GDF11: variants seen among roughly 807,000 people sequenced by gnomAD.
GDF11 encodes growth/differentiation factor 11.
Under a neutral mutation model 34.4 loss-of-function variants are expected in GDF11, and 12 were observed. The ratio of observed to expected loss-of-function variants is 0.35; its 90% CI spans 0.22 to 0.57. The LOEUF (loss-of-function observed/expected upper bound fraction) is 0.57. Among genes scored for constraint, GDF11 ranks in the 20% least tolerant of loss-of-function variants. The probability of loss-of-function intolerance (pLI) is 0.86; values close to 1 mark genes in which losing one functional copy is unlikely to be tolerated. For missense variants in GDF11, 346 were observed against 548.2 expected, an observed-to-expected ratio of 0.63 and a Z score of 3.68; for synonymous variants, 212 against 231.1, an observed-to-expected ratio of 0.92 and a Z score of 0.75.
intron 1 of GDF11, among the ~76,000 whole-genome samples, chr12:55,746,840 G>A (rs750854502): frequency 6.6e-6 from 1 of 152,218 alleles, no homozygotes; most frequent in Non-Finnish European, 1.5e-5. Flanking sequence ...AAGGAATCAG[G>A]CAGTGATTAA....
Position 55,743,377 on chromosome 12 carries a change from C to CG in GDF11, c.67dup (p.Glu23GlyfsTer122). On this transcript the variant is annotated frameshift_variant, in exon 1 of 3. Coordinates refer to ENST00000257868, the MANE Select transcript of GDF11 (RefSeq NM_005811.5). LOFTEE classifies it high-confidence loss of function. ...GCTCCTCGCCCTGGAGCTGCGGCCC[C>CG]GGGGGGAGGCGGCCGAGGGCCCCGC... The CG allele has an allele frequency of 1.0e-6, 1 of 987,292 alleles. No individual in the cohort carries two copies. Among genetic ancestry groups the CG allele is most frequent in the Non-Finnish European group, 1.2e-6 (1 of 833,296 alleles). 61.2% of individuals were successfully genotyped at this position (987,292 alleles called of 1,614,324 possible). A position where few individuals can be genotyped will look rare whatever the true frequency, so the allele number is the denominator to read the frequency against.
intron 1 of GDF11, 94 bp downstream of exon 1, chr12:55,743,855 G>A: frequency 1.9e-6 from 2 of 1,029,156 alleles, no homozygotes; most frequent in South Asian, 3.5e-5. Flanking sequence ...TGCTGCCCCG[G>A]CCCGGAAGCT....
intron 1 of GDF11, among the ~76,000 whole-genome samples, chr12:55,747,797 T>C (rs558009658): frequency 3.9e-5 from 6 of 152,248 alleles, no homozygotes; most frequent in Non-Finnish European, 8.8e-5. Context: ...AAAAAAGGCA[T>C]TGTAGTTAAT....
chr12:55,748,569 C>T lies in GDF11; in HGVS notation c.446-17C>T, dbSNP rs569084969. On this transcript the variant is annotated splice_polypyrimidine_tract_variant and intron_variant, in intron 1 of 2. Coordinates refer to ENST00000257868, the MANE Select transcript of GDF11 (RefSeq NM_005811.5). This position sits in a 1 kb window ranked among gnomAD's most constrained non-coding sequence, Gnocchi z 5.6. ...ACAAACACCCTTTGCTGATGCTGTG[C>T]CCTTCTCTCTTATCAGCGGACCCAG... 420 of 1,588,472 alleles carry T rather than the reference C, an allele frequency of 2.6e-4. No individual in the cohort carries two copies. Among genetic ancestry groups the T allele is most frequent in the Non-Finnish European group, 3.4e-4 (401 of 1,164,712 alleles).
At chr12:55,743,854 G>A in intron 1 of GDF11, 93 bp downstream of exon 1, 1 of 1,041,690 alleles carries the variant, frequency 9.6e-7, no homozygotes, top group Non-Finnish European at 1.3e-6. Context: ...CTGCTGCCCC[G>A]GCCCGGAAGC....
rs1878273546 is a variant in GDF11, at chr12:55,750,057, T to C, written c.*175T>C. On this transcript the variant is annotated 3_prime_UTR_variant, in exon 3 of 3. Coordinates refer to ENST00000257868, the MANE Select transcript of GDF11 (RefSeq NM_005811.5). ...GCAGGTGGGAATTGAGGGTGAGGGG[T>C]TTGGGGGAAAGGGGAAGCAGGGGCA... 2 of 622,806 alleles carry C rather than the reference T, an allele frequency of 3.2e-6. No homozygotes were observed. Among genetic ancestry groups the C allele is most frequent in the African/African-American group, 1.9e-5 (1 of 54,008 alleles). The allele number at this position is 622,806 out of a possible 1,614,324, so 38.6% of individuals were successfully genotyped here.
Position 55,749,903 on chromosome 12 carries a change from T to C in GDF11, c.*21T>C. The C allele has an allele frequency of 6.3e-7, 1 of 1,590,210 alleles. No homozygotes were observed. Among genetic ancestry groups the C allele is most frequent in the Admixed American group, 1.7e-5 (1 of 59,120 alleles). ...CTTAAGGTGGGGGATAGAGGATGCCTCCCCCACAGACCCTACCCCAAGACC... is the reference window on the plus strand; with the variant it reads ...CTTAAGGTGGGGGATAGAGGATGCCCCCCCCACAGACCCTACCCCAAGACC... On this transcript the variant is annotated 3_prime_UTR_variant, in exon 3 of 3. Transcript: ENST00000257868. This position sits in a 1 kb window ranked among gnomAD's most constrained non-coding sequence, Gnocchi z 5.6.
rs1403171850 is a variant in GDF11, at chr12:55,743,536, C to T, written c.220C>T (p.Leu74=). Residue 74 remains leucine (L), a synonymous_variant, in exon 1 of 3, where the codon CTG becomes TTG. Transcript: ENST00000257868. ...VCVWRQHSRE[L]RLESIKSQIL... ...CGTTTGGCGGCAGCACAGCCGCGAG[C>T]TGCGCCTAGAGAGCATCAAGTCGCA... is the stretch of plus-strand genomic sequence containing the variant. 2 of 1,600,992 alleles carry T rather than the reference C, an allele frequency of 1.2e-6. No individual in the cohort carries two copies. The highest frequency in any genetic ancestry group is 2.2e-5 in the South Asian group (2 of 90,758).
rs114696978 is a variant in GDF11, at chr12:55,754,011, G to C, written c.*4129G>C. On this transcript the variant is annotated 3_prime_UTR_variant, in exon 3 of 3. Coordinates refer to ENST00000257868, the MANE Select transcript of GDF11 (RefSeq NM_005811.5). ...AGGAAAGCTCCTGTGACATCAACCT[G>C]ATCCAGAATTGGGGACAGCGCTACT... is the stretch of plus-strand genomic sequence containing the variant. 4 of 152,318 alleles carry C rather than the reference G, an allele frequency of 2.6e-5. No individual in the cohort carries two copies. Among genetic ancestry groups the C allele is most frequent in the African/African-American group, 9.6e-5 (4 of 41,552 alleles). The allele number at this position is 152,318 out of a possible 1,614,324, so 9.4% of individuals were successfully genotyped here. A position where few individuals can be genotyped will look rare whatever the true frequency, so the allele number is the denominator to read the frequency against.
In GDF11 at chr12:55,743,631, C is replaced by A. The variant is rs1159179858; in HGVS notation, c.315C>A (p.Pro105=). The stretch of plus-strand genomic sequence containing the variant: ...GCGAGGTGGTGAAGCAGCTGCTGCC[C>A]AAGGCGCCGCCGCTGCAGCAGATCC... The part of the protein sequence containing the change: ...ISREVVKQLL[P]KAPPLQQILD... Residue 105 remains proline, a synonymous_variant, in exon 1 of 3, where the codon CCC becomes CCA. Coordinates refer to ENST00000257868, the MANE Select transcript of GDF11 (RefSeq NM_005811.5). The A allele has an allele frequency of 6.2e-7, 1 of 1,604,882 alleles. No homozygotes were observed. The highest frequency in any genetic ancestry group is 1.3e-5 in the African/African-American group (1 of 74,898).
chr12:55,746,074 G>T (rs1307870792), intron 1 of GDF11, among the ~76,000 whole-genome samples: 3 of 152,130 alleles, frequency 2.0e-5, no homozygotes, highest in Non-Finnish European at 2.9e-5. Context: ...TCTCCCACCA[G>T]CGCCGCCTAC....
At position 55,750,023 on chromosome 12, in the gene GDF11, C is replaced by A; in HGVS notation, c.*141C>A. 2 of 720,526 alleles carry A rather than the reference C, an allele frequency of 2.8e-6. No individual in the cohort carries two copies. The highest frequency in any genetic ancestry group is 4.5e-6 in the Non-Finnish European group (2 of 441,910). 44.6% of individuals were successfully genotyped at this position (720,526 alleles called of 1,614,324 possible). A position where few individuals can be genotyped will look rare whatever the true frequency, so the allele number is the denominator to read the frequency against. ...CCCGACCAAGCCGTGTGCAATACAA[C>A]AGAGGGAGGCAGGTGGGAATTGAGG... On this transcript the variant is annotated 3_prime_UTR_variant, in exon 3 of 3. Transcript: ENST00000257868.
Position 55,751,332 on chromosome 12 carries a change from G to A in GDF11, c.*1450G>A, listed in dbSNP as rs1444643961. ...GGAGACTCCCGGGCTTGGAAGGCTA[G>A]GAAGCAGGCAGAGACTGGTTGCCAT... On this transcript the variant is annotated 3_prime_UTR_variant, in exon 3 of 3. Transcript: ENST00000257868. 1 of 152,402 alleles carries A rather than the reference G, an allele frequency of 6.6e-6. No individual in the cohort carries two copies. The highest frequency in any genetic ancestry group is 1.9e-4 in the East Asian group (1 of 5,206). The allele number at this position is 152,402 out of a possible 1,614,324, so 9.4% of individuals were successfully genotyped here.
rs1878413979 is a variant in GDF11, at chr12:55,753,771, A to AG, written c.*3889_*3890insG. On this transcript the variant is annotated 3_prime_UTR_variant, in exon 3 of 3. Coordinates refer to ENST00000257868, the MANE Select transcript of GDF11 (RefSeq NM_005811.5). ...GTGACAGAGTGAGACTCCCATCTCCAAAAAAAAAAAAAAAAAAAAAAAAAG... is the reference window on the plus strand; with the variant it reads ...GTGACAGAGTGAGACTCCCATCTCCAGAAAAAAAAAAAAAAAAAAAAAAAAG... The AG allele has an allele frequency of 1.2e-5, 1 of 86,848 alleles. No homozygotes were observed. Among genetic ancestry groups the AG allele is most frequent in the Admixed American group, 1.4e-4 (1 of 7,184 alleles). The allele number at this position is 86,848 out of a possible 1,614,324, so 5.4% of individuals were successfully genotyped here. A position where few individuals can be genotyped will look rare whatever the true frequency, so the allele number is the denominator to read the frequency against.
At position 55,754,032 on chromosome 12, in the gene GDF11, C is replaced by T. The variant is rs1878424189; in HGVS notation, c.*4150C>T. 2 of 152,212 alleles carry T rather than the reference C, an allele frequency of 1.3e-5. No individual in the cohort carries two copies. The highest frequency in any genetic ancestry group is 4.1e-4 in the South Asian group (2 of 4,834). The allele number at this position is 152,212 out of a possible 1,614,324, so 9.4% of individuals were successfully genotyped here. A position where few individuals can be genotyped will look rare whatever the true frequency, so the allele number is the denominator to read the frequency against. On this transcript the variant is annotated 3_prime_UTR_variant, in exon 3 of 3. Coordinates refer to ENST00000257868, the MANE Select transcript of GDF11 (RefSeq NM_005811.5). ...ACCTGATCCAGAATTGGGGACAGCG[C>T]TACTGCGGGTTCAATGTACTGCCAT...
In GDF11 at chr12:55,756,724, G is replaced by A. The variant is rs1878516608; in HGVS notation, c.*6842G>A. 1 of 152,188 alleles carries A rather than the reference G, an allele frequency of 6.6e-6. No homozygotes were observed. The highest frequency in any genetic ancestry group is 1.5e-5 in the Non-Finnish European group (1 of 68,038). 9.4% of individuals were successfully genotyped at this position (152,188 alleles called of 1,614,324 possible). On this transcript the variant is annotated 3_prime_UTR_variant, in exon 3 of 3. Transcript: ENST00000257868. ...TGTTCCCAATGATTTAGCTAACAAT[G>A]CGTAACAGCTCTGACATCCTCTGTC...
rs948776558 is a variant in GDF11 at position 55,749,189 on chromosome 12, C to G, written c.843+206C>G. Among the ~76,000 whole-genome samples, 2 of 152,124 alleles carry G rather than the reference C, an allele frequency of 1.3e-5. No individual in the cohort carries two copies. The highest frequency in any genetic ancestry group is 2.1e-4 in the South Asian group (1 of 4,824). The stretch of plus-strand genomic sequence containing the variant: ...ATCCAAATCAGACAACAGCTGAAAA[C>G]TGGATTTGAAGGTAAAGGTGTCAGT... On this transcript the variant is annotated intron_variant, in intron 2 of 2. Coordinates refer to ENST00000257868, the MANE Select transcript of GDF11 (RefSeq NM_005811.5). The surrounding 1 kb of genome is among the most constrained non-coding windows in gnomAD (Gnocchi z 5.6).
chr12:55,745,059 G>A (rs749447079), intron 1 of GDF11, among the ~76,000 whole-genome samples: 1 of 152,160 alleles, frequency 6.6e-6, no homozygotes, highest in Non-Finnish European at 1.5e-5. Flanking sequence ...ATGGGGATCC[G>A]GTCTGGGGTT....
rs1266235510 is a variant in GDF11, at chr12:55,750,839, C to CATG, written c.*961_*963dup. The CATG allele has an allele frequency of 2.0e-5, 3 of 152,182 alleles. No homozygotes were observed. Among genetic ancestry groups the CATG allele is most frequent in the Non-Finnish European group, 4.4e-5 (3 of 68,038 alleles). 9.4% of individuals were successfully genotyped at this position (152,182 alleles called of 1,614,324 possible). ...TACTTTAAACCCTCAGGTCCACCCTCATGATGCTGAGTTATTTAGCCAGAG... is the reference window on the plus strand; with the variant it reads ...TACTTTAAACCCTCAGGTCCACCCTCATGATGATGCTGAGTTATTTAGCCAGAG... On this transcript the variant is annotated 3_prime_UTR_variant, in exon 3 of 3. Coordinates refer to ENST00000257868, the MANE Select transcript of GDF11 (RefSeq NM_005811.5).
Sources: gnomAD v4.1 joint callset for allele counts (sites outside exome capture counted in the v4.1 genomes callset) on GRCh38, gnomAD v4.1.1 for gene constraint, Gnocchi (gnomAD v3.1) non-coding constraint, MANE v1.5 for transcripts, NCBI Gene and HGNC (gene_info 2026-07-23, HGNC 2026-07-21) for gene names.